Variants in ZC3H12B observed in about 807,000 individuals in gnomAD.
ZC3H12B encodes the protein probable ribonuclease ZC3H12B.
In ZC3H12B, 7 loss-of-function variants were observed where a neutral mutation model predicts 43.9. The observed-to-expected ratio is 0.16, with a 90% CI of 0.09 to 0.30. The LOEUF is 0.30. ZC3H12B is among the 10% of genes least tolerant of loss of function. ZC3H12B has a pLI of 1.00. For synonymous variants in ZC3H12B, 222 were observed against 241.7 expected (o/e 0.92, Z 0.76); for missense variants, 475 against 670.2 (o/e 0.71, Z 3.22).
At chrX:65,142,926 G>T in the ZC3H12B span, among the ~76,000 whole-genome samples, 2 of 111,943 alleles carry the variant, frequency 1.8e-5, no homozygotes, top group South Asian at 7.4e-4. Context: ...TTGAAATCAG[G>T]TAATGTGGTG....
intron 3 of ZC3H12B, among the ~76,000 whole-genome samples, chrX:65,477,721 T>C (rs1438528264): frequency 4.6e-5 from 5 of 109,465 alleles, no homozygotes; most frequent in African/African-American, 1.7e-4. Context: ...GCCAAGATCA[T>C]GCCATTGCAC....
intron 3 of ZC3H12B, among the ~76,000 whole-genome samples, chrX:65,465,483 T>G (rs2067805880): frequency 9.0e-6 from 1 of 111,336 alleles, no homozygotes; most frequent in African/African-American, 3.2e-5. Flanking sequence ...TTCCACCCTA[T>G]TTGTGCCTTT....
At chrX:65,277,881 A>C in the ZC3H12B span, among the ~76,000 whole-genome samples, 1 of 111,424 alleles carries the variant, frequency 9.0e-6, no homozygotes, top group Non-Finnish European at 1.9e-5. Context: ...GAAATAAATG[A>C]AATTGACAAT....
the ZC3H12B span, among the ~76,000 whole-genome samples, chrX:65,193,196 C>A: frequency 9.2e-6 from 1 of 108,441 alleles, no homozygotes; most frequent in Non-Finnish European, 1.9e-5. Flanking sequence ...TGGAAGTCTT[C>A]CTTCCTCCTC....
chrX:65,118,131 G>T, the ZC3H12B span, among the ~76,000 whole-genome samples: 1 of 111,238 alleles, frequency 9.0e-6, no homozygotes, highest in Non-Finnish European at 1.9e-5. Flanking sequence ...GGATGGCATT[G>T]AATCTATAAA....
intron 3 of ZC3H12B, among the ~76,000 whole-genome samples, chrX:65,411,197 C>A (rs1344695370): frequency 8.9e-6 from 1 of 111,774 alleles, no homozygotes; most frequent in Non-Finnish European, 1.9e-5. Context: ...TAAAATAAGC[C>A]AGGCACAGAC....
the ZC3H12B span, among the ~76,000 whole-genome samples, chrX:65,227,959 G>T: frequency 9.0e-6 from 1 of 111,648 alleles, no homozygotes; most frequent in African/African-American, 3.3e-5. Context: ...GAGGTACAAG[G>T]AGGAACTGGT....
At chrX:65,183,948 G>A in the ZC3H12B span, among the ~76,000 whole-genome samples, 1 of 111,405 alleles carries the variant, frequency 9.0e-6, no homozygotes, top group South Asian at 3.8e-4. Flanking sequence ...TGAGGGTGGT[G>A]TGTGGGATAA....
chrX:65,152,280 G>T, the ZC3H12B span, among the ~76,000 whole-genome samples: 5 of 111,667 alleles, frequency 4.5e-5, no homozygotes, highest in Admixed American at 9.5e-5. Context: ...TAGGAAAAGA[G>T]GAAGTCAAAT....
chrX:65,268,175 T>C, the ZC3H12B span, among the ~76,000 whole-genome samples: 3 of 111,585 alleles, frequency 2.7e-5, no homozygotes, highest in Admixed American at 1.9e-4. Flanking sequence ...AGGAAACAAA[T>C]AAATTTCTAG....
At chrX:65,148,341 G>T in the ZC3H12B span, among the ~76,000 whole-genome samples, 1 of 111,401 alleles carries the variant, frequency 9.0e-6, no homozygotes, top group Non-Finnish European at 1.9e-5. Context: ...CTAGCCTGGT[G>T]GCTGGGTTCA....
At chrX:65,476,924 C>A (rs372424663) in intron 3 of ZC3H12B, among the ~76,000 whole-genome samples, 1 of 107,871 alleles carries the variant, frequency 9.3e-6, no homozygotes, top group Non-Finnish European at 1.9e-5. Context: ...CAGGTTCAAG[C>A]GATTCTCCTA....
the ZC3H12B span, among the ~76,000 whole-genome samples, chrX:65,121,990 T>G: frequency 9.8e-5 from 11 of 111,746 alleles, 1 homozygote; most frequent in African/African-American, 2.6e-4. Context: ...GTTCTAGTTT[T>G]ATTGCACTGT....
chrX:65,488,750 C>T lies in ZC3H12B; in HGVS notation c.-52C>T. The stretch of plus-strand genomic sequence containing the variant: ...AATGCCACTGCATGTGGATTCCAAG[C>T]AGGCTAAAAAGAAAAAGAACTGATT... On this transcript the variant is annotated 5_prime_UTR_variant, in exon 1 of 5. It introduces an in-frame stop codon into an upstream open reading frame of the 5' UTR. Coordinates refer to ENST00000338957, the Ensembl canonical transcript of ZC3H12B. 9.1e-7 allele frequency: 1 copy of T among 1,101,049 alleles called. No individual in the cohort carries two copies. The allele number at this position is 1,101,049 out of a possible 1,213,427, so 90.7% of individuals were successfully genotyped here. A position where few individuals can be genotyped will look rare whatever the true frequency, so the allele number is the denominator to read the frequency against.
chrX:65,315,389 T>C, the ZC3H12B span, among the ~76,000 whole-genome samples: 1 of 111,776 alleles, frequency 8.9e-6, no homozygotes, highest in Non-Finnish European at 1.9e-5. Context: ...GCATTATATT[T>C]GAAATGATAA....
chrX:65,130,728 C>T, the ZC3H12B span, among the ~76,000 whole-genome samples: 57 of 111,804 alleles, frequency 5.1e-4, no homozygotes, highest in Non-Finnish European at 9.6e-4. Context: ...GAGATATTTT[C>T]CTTGGTCCAA....
the ZC3H12B span, among the ~76,000 whole-genome samples, chrX:65,228,408 A>C: frequency 5.9e-4 from 66 of 111,396 alleles, 1 homozygote; most frequent in African/African-American, 1.8e-3. Flanking sequence ...CTATCTATGA[A>C]AAACCCACAG....
chrX:65,161,590 C>T, the ZC3H12B span, among the ~76,000 whole-genome samples: 1 of 111,520 alleles, frequency 9.0e-6, no homozygotes, highest in Admixed American at 9.6e-5. Context: ...GCAACCCCTG[C>T]CTTTTTTTGT....
chrX:65,162,137 C>A, the ZC3H12B span, among the ~76,000 whole-genome samples: 12 of 111,856 alleles, frequency 1.1e-4, no homozygotes, highest in East Asian at 3.4e-3. Flanking sequence ...ACGAGATCAG[C>A]TGTTAGTCTG....
Sources: gnomAD v4.1 joint callset for allele counts (sites outside exome capture counted in the v4.1 genomes callset) on GRCh38, gnomAD v4.1.1 for gene constraint, MANE v1.5 for transcripts, NCBI Gene and HGNC (gene_info 2026-07-23, HGNC 2026-07-21) for gene names.